The following SLC25A26 variants were observed in gnomAD, a reference collection of about 807,000 sequenced individuals.
SLC25A26 encodes the protein solute carrier family 25 member 26.
A neutral mutation model predicts 37.8 loss-of-function variants in SLC25A26; 36 were observed. The ratio of observed to expected loss-of-function variants is 0.95; its 90% confidence interval spans 0.73 to 1.26. The LOEUF (loss-of-function observed/expected upper bound fraction) is 1.26. Ranked by LOEUF, SLC25A26 falls within the 50% of genes most tolerant of loss-of-function variation. The pLI, the probability that SLC25A26 is intolerant of heterozygous loss-of-function variation, is 0.00. For synonymous variants in SLC25A26, 129 were observed against 122.5 expected (o/e 1.05, Z -0.35); for missense variants, 390 against 331.1 (o/e 1.18, Z -1.38).
intron 5 of SLC25A26, among the ~76,000 whole-genome samples, chr3:66,277,472 A>G (rs1347540914): frequency 6.6e-6 from 1 of 152,012 alleles, no homozygotes; most frequent in Non-Finnish European, 1.5e-5. Flanking sequence ...AAAGGGTACA[A>G]ATTGTCAGTT....
intron 1 of SLC25A26, among the ~76,000 whole-genome samples, chr3:66,194,716 G>T (rs893996783): frequency 6.6e-6 from 1 of 152,166 alleles, no homozygotes; most frequent in South Asian, 2.1e-4. Context: ...ATTCTCCTGA[G>T]TCAGCCTCCC....
At chr3:66,135,710 A>G (rs970154185) in intron 1 of SLC25A26, among the ~76,000 whole-genome samples, 6 of 152,184 alleles carry the variant, frequency 3.9e-5, no homozygotes, top group African/African-American at 1.4e-4. Context: ...TTGAGGCTTC[A>G]GTGAGCCCTG....
chr3:66,245,255 A>C (rs2072776548), intron 3 of SLC25A26, among the ~76,000 whole-genome samples: 1 of 151,638 alleles, frequency 6.6e-6, no homozygotes, highest in Admixed American at 6.6e-5. Flanking sequence ...ATGATTAAAA[A>C]AAAAAAAAAA....
At chr3:66,230,818 AAC>A (rs552070865) in intron 1 of SLC25A26, among the ~76,000 whole-genome samples, 22,460 of 122,996 alleles carry the variant, frequency 0.18, 4,152 homozygotes, top group African/African-American at 0.46. Flanking sequence ...AAAAAAAAAA[AAC>A]AAAAAAAAAC....
intron 2 of SLC25A26, among the ~76,000 whole-genome samples, chr3:66,241,026 C>T (rs368358617): frequency 6.6e-5 from 10 of 152,086 alleles, no homozygotes; most frequent in Admixed American, 1.3e-4. Context: ...GGAATACAGG[C>T]GTGAGCCACC....
intron 1 of SLC25A26, among the ~76,000 whole-genome samples, chr3:66,198,974 C>T (rs2071079283): frequency 6.6e-6 from 1 of 151,936 alleles, no homozygotes; most frequent in East Asian, 1.9e-4. Context: ...CTCCATGTGA[C>T]CCCAACCCTA....
At chr3:66,198,371 G>A (rs1276674383) in intron 1 of SLC25A26, among the ~76,000 whole-genome samples, 2 of 151,952 alleles carry the variant, frequency 1.3e-5, no homozygotes, top group African/African-American at 4.8e-5. Context: ...GTTCATGAAC[G>A]GAGTGAATGT....
chr3:66,171,426 C>A (rs2070498041), intron 1 of SLC25A26, among the ~76,000 whole-genome samples: 2 of 152,136 alleles, frequency 1.3e-5, no homozygotes, highest in South Asian at 2.1e-4. Flanking sequence ...TTTTAATAAA[C>A]CTTCCCCTAC....
intron 3 of SLC25A26, among the ~76,000 whole-genome samples, chr3:66,252,726 G>A (rs1020091149): frequency 1.3e-5 from 2 of 152,144 alleles, no homozygotes; most frequent in Admixed American, 1.3e-4. Flanking sequence ...TTTTGGGAAA[G>A]GTATCTATTC....
chr3:66,352,428 G>GT (rs1242977476), intron 6 of SLC25A26, among the ~76,000 whole-genome samples: 2,343 of 125,976 alleles, frequency 0.019, 155 homozygotes, highest in African/African-American at 0.071. Context: ...CTCGTTTTTT[G>GT]TTTTTTGTTT....
At chr3:66,149,392 T>C (rs993402376) in intron 1 of SLC25A26, among the ~76,000 whole-genome samples, 1 of 152,170 alleles carries the variant, frequency 6.6e-6, no homozygotes, top group East Asian at 1.9e-4. Context: ...CACCTGACCC[T>C]AGCAGCCAGA....
chr3:66,348,198 T>C (rs2076371018), intron 6 of SLC25A26, among the ~76,000 whole-genome samples: 1 of 152,222 alleles, frequency 6.6e-6, no homozygotes, highest in African/African-American at 2.4e-5. Context: ...AGATGTTACA[T>C]TGGTTTTTCA....
chr3:66,362,978 G>C (rs1417224017), intron 7 of SLC25A26, 49 bp downstream of exon 7: 2 of 1,263,808 alleles, frequency 1.6e-6, no homozygotes, highest in Non-Finnish European at 2.2e-6. Flanking sequence ...GGGGAAAAAT[G>C]TGAAAATATT....
chr3:66,347,642 A>G (rs536853643), intron 6 of SLC25A26, among the ~76,000 whole-genome samples: 1 of 152,370 alleles, frequency 6.6e-6, no homozygotes, highest in East Asian at 1.9e-4. Flanking sequence ...CCAAAGGAAT[A>G]TAAATCATTC....
intron 1 of SLC25A26, among the ~76,000 whole-genome samples, chr3:66,213,985 A>T (rs1251342043): frequency 6.6e-6 from 1 of 152,162 alleles, no homozygotes. Context: ...AAAAGTAATT[A>T]TTCATTAAAA....
At chr3:66,334,696 C>T (rs2076055348) in intron 5 of SLC25A26, among the ~76,000 whole-genome samples, 1 of 151,904 alleles carries the variant, frequency 6.6e-6, no homozygotes, top group South Asian at 2.1e-4. Flanking sequence ...TAGCATGTCC[C>T]AAATATGATC....
At chr3:66,193,500 A>G (rs2070984325) in intron 1 of SLC25A26, among the ~76,000 whole-genome samples, 1 of 152,202 alleles carries the variant, frequency 6.6e-6, no homozygotes, top group African/African-American at 2.4e-5. Context: ...CAACTTCCAG[A>G]AATTAAATCA....
chr3:66,150,640 AT>A (rs2070194062), intron 1 of SLC25A26, among the ~76,000 whole-genome samples: 5 of 88,886 alleles, frequency 5.6e-5, no homozygotes, highest in Non-Finnish European at 1.1e-4. Context: ...ATATATATAT[AT>A]ATATATATAT....
chr3:66,262,215 A>G, intron 4 of SLC25A26, 60 bp downstream of exon 4: 2 of 846,584 alleles, frequency 2.4e-6, no homozygotes, highest in Non-Finnish European at 3.7e-6. Flanking sequence ...AGCTAATACG[A>G]ACACTGTGGA....
Sources: allele counts gnomAD v4.1 joint callset (sites outside exome capture counted in the v4.1 genomes callset), GRCh38; gene constraint gnomAD v4.1.1; transcripts MANE v1.5; gene names NCBI Gene and HGNC (gene_info 2026-07-23, HGNC 2026-07-21).